The following CTSC variants were observed in gnomAD, a reference collection of about 807,000 sequenced individuals.
The protein encoded by CTSC is cathepsin C, also known as dipeptidyl peptidase 1.
CTSC carries 37 observed loss-of-function variants against 40.9 expected under a neutral mutation model. That is an observed-to-expected ratio of 0.91 (90% CI 0.70 to 1.19). The LOEUF (loss-of-function observed/expected upper bound fraction) is 1.19. CTSC is among the 50% of genes most tolerant of loss of function. The probability of loss-of-function intolerance (pLI) is 0.00; values close to 1 mark genes in which losing one functional copy is unlikely to be tolerated. For missense variants in CTSC, 594 were observed against 567.3 expected, an observed-to-expected ratio of 1.05 and a Z score of -0.48; for synonymous variants, 232 against 207.4, an observed-to-expected ratio of 1.12 and a Z score of -1.02.
chr11:88,325,306 C>T lies in CTSC; in HGVS notation c.318+9631G>A, dbSNP rs1000376485. On this transcript the variant is annotated intron_variant, in intron 2 of 6. Transcript: ENST00000227266. ...TAAGTTTTGGTCTTCAATGAAAAAACCCTGGTTTAGGCAAGAAAGTCAGTA... is the reference window on the plus strand; with the variant it reads ...TAAGTTTTGGTCTTCAATGAAAAAATCCTGGTTTAGGCAAGAAAGTCAGTA... 3 of 985,246 alleles carry T rather than the reference C, an allele frequency of 3.0e-6. No homozygotes were observed. The Admixed American group carries it at 1.8e-4, about 61-fold the overall frequency. 61.0% of individuals were successfully genotyped at this position (985,246 alleles called of 1,614,324 possible).
At position 88,294,431 on chromosome 11, in the gene CTSC, G is replaced by A; in HGVS notation, c.967C>T (p.Pro323Ser). ...DFGLVEEACF[P>S]YTGTDSPCKM... ...CATGGAGAATCAGTGCCTGTGTAGG[G>A]GAAGCAAGCTTCTTCCACCAGCCCA... is the stretch of plus-strand genomic sequence containing the variant. Residue 323 changes from proline to serine, a missense_variant, in exon 7 of 7, where the codon CCC (proline) becomes TCC (serine). Physicochemically the swap from Pro to Ser is moderately conservative, Grantham distance 74. Transcript: ENST00000227266. The A allele has an allele frequency of 1.2e-6, 2 of 1,614,046 alleles. No homozygotes were observed. The highest frequency in any genetic ancestry group is 1.7e-6 in the Non-Finnish European group (2 of 1,180,008).
rs1426733249 is a variant in CTSC, at chr11:88,294,384, A to C, written c.1014T>G (p.Phe338Leu). ...AGTGGTACTCAGAGGAGTAATAACG[A>C]AAGCAGTCTTCCTTCATTTTGCATG... ...DSPCKMKEDC[F>L]RYYSSEYHYV... Residue 338 changes from phenylalanine (F) to leucine (L), a missense_variant, in exon 7 of 7, where the codon TTT becomes TTG. By Grantham distance (22) the Phe-to-Leu change is conservative. Coordinates refer to ENST00000227266, the MANE Select transcript of CTSC (RefSeq NM_001814.6). 2 of 1,614,076 alleles carry C rather than the reference A, an allele frequency of 1.2e-6. No individual in the cohort carries two copies. The highest frequency in any genetic ancestry group is 2.7e-5 in the African/African-American group (2 of 74,942).
chr11:88,301,497 T>A (rs1944360187), intron 4 of CTSC, among the ~76,000 whole-genome samples: 1 of 152,164 alleles, frequency 6.6e-6, no homozygotes, highest in South Asian at 2.1e-4. Flanking sequence ...TCCGCTTTTG[T>A]TGCTTCATTC....
At chr11:88,328,426 A>G (rs1390253112) in intron 2 of CTSC, among the ~76,000 whole-genome samples, 2 of 152,216 alleles carry the variant, frequency 1.3e-5, no homozygotes, top group Non-Finnish European at 2.9e-5. Context: ...ACCTATCTCA[A>G]TAAGTCTTCT....
At position 88,312,483 on chromosome 11, in the gene CTSC, C is replaced by T. The variant is rs1193409020; in HGVS notation, c.390G>A (p.Leu130=). Reference sequence around the variant, plus strand: ...CGGTGAAACAAGCCCAGTTCCGGCCCAACACATCATGCACCCACCCAGTCA... The same window carrying T: ...CGGTGAAACAAGCCCAGTTCCGGCCTAACACATCATGCACCCACCCAGTCA... ...ETMTGWVHDV[L]GRNWACFTGK... The change falls in exon 3 of 7, where the codon TTG becomes TTA. Residue 130 remains leucine, a synonymous_variant. Transcript: ENST00000227266. 6.2e-7 allele frequency: 1 copy of T among 1,614,154 alleles called. No individual in the cohort carries two copies. Among genetic ancestry groups the T allele is most frequent in the Admixed American group, 1.7e-5 (1 of 60,016 alleles).
chr11:88,325,106 C>G, intron 2 of CTSC: 2 of 985,180 alleles, frequency 2.0e-6, no homozygotes, highest in Non-Finnish European at 2.4e-6. Flanking sequence ...CAGCTCTAAA[C>G]CAACAGAGCA....
intron 2 of CTSC, among the ~76,000 whole-genome samples, chr11:88,328,425 A>G (rs1938251881): frequency 6.6e-6 from 1 of 152,222 alleles, no homozygotes; most frequent in Admixed American, 6.5e-5. Context: ...TACCTATCTC[A>G]ATAAGTCTTC....
intron 2 of CTSC, among the ~76,000 whole-genome samples, chr11:88,317,434 T>TTAGTCTTC (rs144859497): frequency 0.023 from 3,571 of 152,304 alleles, 151 homozygotes; most frequent in African/African-American, 0.081. Flanking sequence ...ATACTATTCT[T>TTAGTCTTC]ACAATCTGAA....
chr11:88,324,573 T>C, intron 2 of CTSC: 1 of 983,620 alleles, frequency 1.0e-6, no homozygotes, highest in Non-Finnish European at 1.2e-6. Context: ...TGTGGTGCAT[T>C]TTCCAGGTAC....
chr11:88,336,632 C>T (rs1488298418), intron 1 of CTSC, among the ~76,000 whole-genome samples: 1 of 151,566 alleles, frequency 6.6e-6, no homozygotes, highest in African/African-American at 2.4e-5. Flanking sequence ...ATGACTTAAT[C>T]TTTGTTCTGT....
intron 4 of CTSC, among the ~76,000 whole-genome samples, chr11:88,305,581 C>T (rs1937624114): frequency 6.6e-6 from 1 of 152,170 alleles, no homozygotes; most frequent in Non-Finnish European, 1.5e-5. Flanking sequence ...TTCAAAGACT[C>T]CCTATATCTC....
At chr11:88,313,170 A>G (rs1053314279) in intron 2 of CTSC, among the ~76,000 whole-genome samples, 1 of 152,194 alleles carries the variant, frequency 6.6e-6, no homozygotes, top group Admixed American at 6.5e-5. Context: ...CCCAGGTTCA[A>G]GCGATTCTCT....
chr11:88,298,001 T>C (rs559477538), intron 5 of CTSC: 1 of 152,172 alleles, frequency 6.6e-6, no homozygotes, highest in African/African-American at 2.4e-5. Flanking sequence ...TTCTTTTTTT[T>C]CCCCTCCTCT....
At chr11:88,300,077 A>C (rs1944341622) in intron 5 of CTSC, among the ~76,000 whole-genome samples, 1 of 152,254 alleles carries the variant, frequency 6.6e-6, no homozygotes, top group African/African-American at 2.4e-5. Context: ...AAAATCTACC[A>C]GGAAAATAAT....
Position 88,309,814 on chromosome 11 carries a change from GCACACACACA to G in CTSC, c.486-506_486-497del, listed in dbSNP as rs71470765. 7.2e-4 allele frequency among the ~76,000 whole-genome samples: 86 copies of G among 118,988 alleles called. 1 individual carries two copies. The highest frequency in any genetic ancestry group is 8.2e-4 in the South Asian group (3 of 3,654). 78.1% of individuals were successfully genotyped at this position (118,988 alleles called of 152,430 possible). A position where few individuals can be genotyped will look rare whatever the true frequency, so the allele number is the denominator to read the frequency against. On this transcript the variant is annotated intron_variant, in intron 3 of 6. Coordinates refer to ENST00000227266, the MANE Select transcript of CTSC (RefSeq NM_001814.6). ...AATACATACATATATATGTATGCGC[GCACACACACA>G]CACACACACACACACACACACACAC...
At chr11:88,304,814 C>G (rs1407031378) in intron 4 of CTSC, among the ~76,000 whole-genome samples, 1 of 152,176 alleles carries the variant, frequency 6.6e-6, no homozygotes, top group African/African-American at 2.4e-5. Context: ...AATGCCATGA[C>G]AGGCCAGGTT....
intron 2 of CTSC, chr11:88,326,085 G>A (rs1038498895): frequency 4.1e-5 from 49 of 1,192,698 alleles, no homozygotes; most frequent in Non-Finnish European, 4.9e-5. Context: ...AAAGAACAAC[G>A]TGTTGTATAT....
At chr11:88,330,720 A>G (rs2134819800) in intron 2 of CTSC, among the ~76,000 whole-genome samples, 1 of 152,278 alleles carries the variant, frequency 6.6e-6, no homozygotes, top group Admixed American at 6.5e-5. Flanking sequence ...TAGATGTCAA[A>G]CTTTTATTCC....
chr11:88,320,962 G>A (rs901153083), intron 2 of CTSC: 1 of 984,780 alleles, frequency 1.0e-6, no homozygotes, highest in Non-Finnish European at 1.2e-6. Flanking sequence ...ATACAAACAG[G>A]CAATTATGAC....
Sources: allele counts gnomAD v4.1 joint callset (sites outside exome capture counted in the v4.1 genomes callset), GRCh38; gene constraint gnomAD v4.1.1; transcripts MANE v1.5; gene names NCBI Gene and HGNC (gene_info 2026-07-23, HGNC 2026-07-21).